Variants in CDKN1C observed in about 807,000 individuals in gnomAD.
CDKN1C encodes the protein cyclin dependent kinase inhibitor 1C.
A neutral mutation model predicts 16.5 loss-of-function variants in CDKN1C; 7 were observed. The ratio of observed to expected loss-of-function variants is 0.42; its 90% confidence interval spans 0.24 to 0.80. The LOEUF (loss-of-function observed/expected upper bound fraction) is 0.80. Ranked by LOEUF, CDKN1C falls within the 30% of genes least tolerant of loss-of-function variation. The pLI, the probability that CDKN1C is intolerant of heterozygous loss-of-function variation, is 0.26. For missense variants in CDKN1C, 429 were observed against 437.3 expected (o/e 0.98, Z 0.17); for synonymous variants, 288 against 214.4 (o/e 1.34, Z -3.00).
At position 2,884,519 on chromosome 11, in the gene CDKN1C, G is replaced by A. The variant is rs998334945; in HGVS notation, c.787+151C>T. 3.1e-5 allele frequency: 12 copies of A among 389,924 alleles called. 1 individual carries two copies. Among genetic ancestry groups the A allele is most frequent in the African/African-American group, 2.3e-4 (11 of 47,356 alleles). 24.2% of individuals were successfully genotyped at this position (389,924 alleles called of 1,614,324 possible). A position where few individuals can be genotyped will look rare whatever the true frequency, so the allele number is the denominator to read the frequency against. On this transcript the variant is annotated intron_variant, in intron 2 of 3. Coordinates refer to ENST00000440480, the MANE Select transcript of CDKN1C (RefSeq NM_001122630.2). ...GGCACAACAACGGGGCGGGGAGGGG[G>A]GTAAGGGCGCAGCCGCGCCCTGAGC...
Position 2,885,061 on chromosome 11 carries a change from G to T in CDKN1C, c.396C>A (p.Ala132=). 1 of 1,356,230 alleles carries T rather than the reference G, an allele frequency of 7.4e-7. No homozygotes were observed. Among genetic ancestry groups the T allele is most frequent in the Non-Finnish European group, 9.4e-7 (1 of 1,062,478 alleles). The allele number at this position is 1,356,230 out of a possible 1,614,324, so 84.0% of individuals were successfully genotyped here. ...PEQLPSVPVP[A]PASTPPPVPV... is the part of the protein sequence containing the mutation. ...GGACTGGGGGCGGGGTGGACGCCGG[G>T]GCCGGGACCGGGACACTAGGCAGCT... The change falls in exon 2 of 4, where the codon GCC becomes GCA. Residue 132 remains alanine (A), a synonymous_variant. Coordinates refer to ENST00000440480, the MANE Select transcript of CDKN1C (RefSeq NM_001122630.2).
intron 2 of CDKN1C, 103 bp from the exon 3 acceptor site, chr11:2,884,237 G>GCCGTC (rs1848891227): frequency 5.0e-6 from 4 of 803,638 alleles, no homozygotes. Context: ...GGGTGGGGGC[G>GCCGTC]CCGTCCCCGC....
At position 2,885,759 on chromosome 11, in the gene CDKN1C, G is replaced by C. The variant is rs1439912987; in HGVS notation, c.-136C>G. ...GCCTGGCCGGCACCCCTCGAGCACA[G>C]CGCACTTGGCCTGTGGAACGCCCAG... On this transcript the variant is annotated 5_prime_UTR_variant, in exon 1 of 4. Coordinates refer to ENST00000440480, the MANE Select transcript of CDKN1C (RefSeq NM_001122630.2). 2.6e-5 allele frequency: 15 copies of C among 571,470 alleles called. No individual in the cohort carries two copies. Among genetic ancestry groups the C allele is most frequent in the Non-Finnish European group, 4.0e-5 (13 of 321,342 alleles). 35.4% of individuals were successfully genotyped at this position (571,470 alleles called of 1,614,324 possible).
In CDKN1C at chr11:2,884,966, A is replaced by ACCGCGACCGGAGCCGCGACCGGAG. The variant is rs565544512; in HGVS notation, c.467_490dup (p.Ala156_Ala163dup). 17 of 981,992 alleles carry ACCGCGACCGGAGCCGCGACCGGAG rather than the reference A, an allele frequency of 1.7e-5. No individual in the cohort carries two copies. The highest frequency in any genetic ancestry group is 2.2e-5 in the Non-Finnish European group (17 of 779,216). 60.8% of individuals were successfully genotyped at this position (981,992 alleles called of 1,614,324 possible). A position where few individuals can be genotyped will look rare whatever the true frequency, so the allele number is the denominator to read the frequency against. ...GGCCGGGGCCGGGGCCAGGACCGCG[A>ACCGCGACCGGAGCCGCGACCGGAG]CCGCGACCGGAGCCGCGACCGGAGC... On this transcript the variant is annotated inframe_insertion, in exon 2 of 4. Transcript: ENST00000440480.
chr11:2,884,941 G>C lies in CDKN1C; in HGVS notation c.516C>G (p.Ala172=). 1 of 969,120 alleles carries C rather than the reference G, an allele frequency of 1.0e-6. No homozygotes were observed. Among genetic ancestry groups the C allele is most frequent in the Non-Finnish European group, 1.3e-6 (1 of 777,584 alleles). 60.0% of individuals were successfully genotyped at this position (969,120 alleles called of 1,614,324 possible). ...VAVAVLAPAP[A]PAPAPAPAPA... The stretch of plus-strand genomic sequence containing the variant: ...GGGCCGGAGCCGGAGCCGGAGCCGG[G>C]GCCGGGGCCGGGGCCAGGACCGCGA... Residue 172 remains alanine, a synonymous_variant, in exon 2 of 4, where the codon GCC becomes GCG. Coordinates refer to ENST00000440480, the MANE Select transcript of CDKN1C (RefSeq NM_001122630.2).
rs1590149885 is a variant in CDKN1C at position 2,884,928 on chromosome 11, GA to G, written c.528del (p.Pro177ArgfsTer84). The G allele has an allele frequency of 1.2e-5, 11 of 922,000 alleles. No homozygotes were observed. The highest frequency in any genetic ancestry group is 1.0e-4 in the South Asian group (2 of 19,826). The allele number at this position is 922,000 out of a possible 1,614,324, so 57.1% of individuals were successfully genotyped here. On this transcript the variant is annotated frameshift_variant, in exon 2 of 4. Coordinates refer to ENST00000440480, the MANE Select transcript of CDKN1C (RefSeq NM_001122630.2). LOFTEE classifies it high-confidence loss of function. ...VLAPAPAPAPAPAPAPAPVAA... is the reference protein window; with the variant it reads ...VLAPAPAPAPXPAPAPAPVAA... ...GCGACTGGAGCCGGGGCCGGAGCCG[GA>G]GCCGGAGCCGGGGCCGGGGCCGGGG...
Position 2,884,935 on chromosome 11 carries a change from AGCCGGGGCCGGGGCCGGG to A in CDKN1C, c.504_521del (p.Ala178_Pro183del), listed in dbSNP as rs878853629. The A allele has an allele frequency of 3.1e-4, 277 of 901,018 alleles. No individual in the cohort carries two copies. Among genetic ancestry groups the A allele is most frequent in the Non-Finnish European group, 3.4e-4 (251 of 728,972 alleles). The allele number at this position is 901,018 out of a possible 1,614,324, so 55.8% of individuals were successfully genotyped here. A position where few individuals can be genotyped will look rare whatever the true frequency, so the allele number is the denominator to read the frequency against. On this transcript the variant is annotated inframe_deletion, in exon 2 of 4. Transcript: ENST00000440480. ...GAGCCGGGGCCGGAGCCGGAGCCGGAGCCGGGGCCGGGGCCGGGGCCAGGACCGCGACCGCGACCGGAG... is the reference window on the plus strand; with the variant it reads ...GAGCCGGGGCCGGAGCCGGAGCCGGAGCCAGGACCGCGACCGCGACCGGAG...
Position 2,883,906 on chromosome 11 carries a change from G to C in CDKN1C, c.*15C>G. The C allele has an allele frequency of 6.3e-7, 1 of 1,585,880 alleles. No homozygotes were observed. Among genetic ancestry groups the C allele is most frequent in the Non-Finnish European group, 8.6e-7 (1 of 1,166,256 alleles). ...CCGGCAGGTTCCCTCGGGGCTCTTT[G>C]GGCTCTAAACTGCGAGGAGAGGGGC... On this transcript the variant is annotated 3_prime_UTR_variant, in exon 4 of 4. Coordinates refer to ENST00000440480, the MANE Select transcript of CDKN1C (RefSeq NM_001122630.2).
Position 2,885,709 on chromosome 11 carries a change from C to A in CDKN1C, c.-86G>T, listed in dbSNP as rs1180049301. ...GGACGGCAGCCGCGCCCCCTCGATG[C>A]CTGCTGGCTAGCTCGCTCGCTCAGG... On this transcript the variant is annotated 5_prime_UTR_variant, in exon 1 of 4. Transcript: ENST00000440480. The A allele has an allele frequency of 2.9e-5, 18 of 610,660 alleles. No homozygotes were observed. Among genetic ancestry groups the A allele is most frequent in the Non-Finnish European group, 4.9e-5 (17 of 346,558 alleles). The allele number at this position is 610,660 out of a possible 1,614,324, so 37.8% of individuals were successfully genotyped here.
chr11:2,884,086 T>A lies in CDKN1C; in HGVS notation c.836A>T (p.Asp279Val). Residue 279 changes from aspartate (D) to valine (V), a missense_variant, in exon 3 of 4, where the codon GAT becomes GTT. By Grantham distance (152) the Asp-to-Val change is radical (BLOSUM62 -3). Transcript: ENST00000440480. Reference sequence around the variant, plus strand: ...TGGAGAGGGACACGGCGCGGGGACATCGCCCGACGACTTCTCAGGCGCTGA... The same window carrying A: ...TGGAGAGGGACACGGCGCGGGGACAACGCCCGACGACTTCTCAGGCGCTGA... ...KRSAPEKSSG[D>V]VPAPCPSPSA... The A allele has an allele frequency of 6.5e-7, 1 of 1,545,218 alleles. No individual in the cohort carries two copies. Among genetic ancestry groups the A allele is most frequent in the East Asian group, 2.4e-5 (1 of 40,908 alleles).
In CDKN1C at chr11:2,883,657, A is replaced by G; in HGVS notation, c.*264T>C. 1.5e-6 allele frequency: 1 copy of G among 686,504 alleles called. No homozygotes were observed. Among genetic ancestry groups the G allele is most frequent in the Non-Finnish European group, 2.1e-6 (1 of 483,846 alleles). The allele number at this position is 686,504 out of a possible 1,614,324, so 42.5% of individuals were successfully genotyped here. A position where few individuals can be genotyped will look rare whatever the true frequency, so the allele number is the denominator to read the frequency against. On this transcript the variant is annotated 3_prime_UTR_variant, in exon 4 of 4. Coordinates refer to ENST00000440480, the MANE Select transcript of CDKN1C (RefSeq NM_001122630.2). ...TCTTTTTTTTGCACTGAGTTTCAGC[A>G]GAGATTAAACATTTTATATAAATGA...
intron 1 of CDKN1C, 41 bp downstream of exon 1, chr11:2,885,593 G>A (rs1413044374): frequency 1.4e-6 from 2 of 1,398,474 alleles, no homozygotes; most frequent in East Asian, 5.0e-5. Context: ...GGGAGACCCC[G>A]CGCCGCCCGA....
chr11:2,883,835 T>G lies in CDKN1C; in HGVS notation c.*86A>C, dbSNP rs1590147182. Reference sequence around the variant, plus strand: ...GCAGCCGCCGCCGGTTGCTGCTACATGAACGGTCCCAGCCGAGGCCCAGCG... The same window carrying G: ...GCAGCCGCCGCCGGTTGCTGCTACAGGAACGGTCCCAGCCGAGGCCCAGCG... On this transcript the variant is annotated 3_prime_UTR_variant, in exon 4 of 4. Transcript: ENST00000440480. The G allele has an allele frequency of 1.3e-6, 2 of 1,537,994 alleles. No homozygotes were observed. Among genetic ancestry groups the G allele is most frequent in the East Asian group, 4.9e-5 (2 of 40,818 alleles).
In CDKN1C at chr11:2,884,765, A is replaced by G; in HGVS notation, c.692T>C (p.Leu231Pro). The G allele has an allele frequency of 6.6e-7, 1 of 1,506,724 alleles. No individual in the cohort carries two copies. The highest frequency in any genetic ancestry group is 8.8e-7 in the Non-Finnish European group (1 of 1,130,756). 93.3% of individuals were successfully genotyped at this position (1,506,724 alleles called of 1,614,324 possible). ...GGGACGTCCCGAAATCCCCGAGTGC[A>G]GCTGGTCAGCGAGAGGCTCCTGGCC... ...QRGQEPLADQ[L>P]HSGISGRPAA... The change falls in exon 2 of 4, where the codon CTG (leucine) becomes CCG (proline). Residue 231 changes from leucine to proline, a missense_variant. Transcript: ENST00000440480.
At chr11:2,884,193 G>A (rs1396382040) in intron 2 of CDKN1C, 59 bp from the exon 3 acceptor site, 2 of 1,228,226 alleles carry the variant, frequency 1.6e-6, no homozygotes, top group African/African-American at 1.6e-5. Flanking sequence ...ACCCGAGAGG[G>A]GGCCGGGAGA....
rs904167456 is a variant in CDKN1C, at chr11:2,883,794, C to A, written c.*127G>T. On this transcript the variant is annotated 3_prime_UTR_variant, in exon 4 of 4. Coordinates refer to ENST00000440480, the MANE Select transcript of CDKN1C (RefSeq NM_001122630.2). Reference sequence around the variant, plus strand: ...AGTTTTCAAAATTTAAAAACAAAACCGAACGCTGCTCTGCGGCAGCCGCCG... The same window carrying A: ...AGTTTTCAAAATTTAAAAACAAAACAGAACGCTGCTCTGCGGCAGCCGCCG... 2 of 1,500,284 alleles carry A rather than the reference C, an allele frequency of 1.3e-6. No homozygotes were observed. The highest frequency in any genetic ancestry group is 2.5e-5 in the Admixed American group (1 of 40,564). 92.9% of individuals were successfully genotyped at this position (1,500,284 alleles called of 1,614,324 possible).
chr11:2,883,975 C>A, intron 3 of CDKN1C, 24 bp downstream of exon 3: 1 of 1,473,640 alleles, frequency 6.8e-7, no homozygotes, highest in Non-Finnish European at 9.0e-7. Context: ...GCCCTCCGCG[C>A]CCCCCCAGGT....
Position 2,883,844 on chromosome 11 carries a change from C to T in CDKN1C, c.*77G>A. 6 of 1,544,176 alleles carry T rather than the reference C, an allele frequency of 3.9e-6. No individual in the cohort carries two copies. Among genetic ancestry groups the T allele is most frequent in the Non-Finnish European group, 5.2e-6 (6 of 1,146,074 alleles). The stretch of plus-strand genomic sequence containing the variant: ...GCCGGTTGCTGCTACATGAACGGTC[C>T]CAGCCGAGGCCCAGCGCCCTTCCAA... On this transcript the variant is annotated 3_prime_UTR_variant, in exon 4 of 4. Coordinates refer to ENST00000440480, the MANE Select transcript of CDKN1C (RefSeq NM_001122630.2).
rs1174386743 is a variant in CDKN1C at position 2,884,444 on chromosome 11, G to A, written c.787+226C>T. ...GGGGCGAAAACTGCGCTCCCGGGGGGTCGCGGCCGGGATTCAGCCTCCCAC... is the reference window on the plus strand; with the variant it reads ...GGGGCGAAAACTGCGCTCCCGGGGGATCGCGGCCGGGATTCAGCCTCCCAC... On this transcript the variant is annotated intron_variant, in intron 2 of 3. Coordinates refer to ENST00000440480, the MANE Select transcript of CDKN1C (RefSeq NM_001122630.2). The A allele has an allele frequency of 3.4e-5, 10 of 291,506 alleles. 1 individual carries two copies. Among genetic ancestry groups the A allele is most frequent in the Non-Finnish European group, 5.6e-5 (9 of 159,458 alleles). The allele number at this position is 291,506 out of a possible 1,614,324, so 18.1% of individuals were successfully genotyped here.
Sources: gnomAD v4.1 joint callset for allele counts on GRCh38, gnomAD v4.1.1 for gene constraint, MANE v1.5 for transcripts, NCBI Gene and HGNC (gene_info 2026-07-23, HGNC 2026-07-21) for gene names.